The following PEX14 variants were observed in gnomAD, a reference collection of about 807,000 sequenced individuals.
The protein encoded by PEX14 is peroxisomal membrane protein PEX14.
A neutral mutation model predicts 49.5 loss-of-function variants in PEX14; 15 were observed. That is an observed-to-expected ratio of 0.30 (90% CI 0.20 to 0.47). The LOEUF (loss-of-function observed/expected upper bound fraction) is 0.47, where lower values mean the gene tolerates loss of function less well. Ranked by LOEUF, PEX14 falls within the 20% of genes least tolerant of loss-of-function variation. PEX14 has a pLI of 1.00. For missense variants in PEX14, 398 were observed against 494.8 expected (o/e 0.80, Z 1.86); for synonymous variants, 210 against 212.7 (o/e 0.99, Z 0.11).
intron 3 of PEX14, among the ~76,000 whole-genome samples, chr1:10,581,305 C>CT (rs71583884): frequency 0.052 from 6,646 of 126,840 alleles, 529 homozygotes; most frequent in African/African-American, 0.15. Context: ...CTTTGTTATC[C>CT]TTTTTTTTTT....
intron 3 of PEX14, among the ~76,000 whole-genome samples, chr1:10,590,930 C>T (rs921883704): frequency 6.6e-6 from 1 of 152,140 alleles, no homozygotes; most frequent in Non-Finnish European, 1.5e-5. Context: ...AAGAAAACCC[C>T]AAAGGAACAT....
At chr1:10,559,263 G>A (rs1437962391) in intron 3 of PEX14, among the ~76,000 whole-genome samples, 2 of 152,030 alleles carry the variant, frequency 1.3e-5, no homozygotes, top group Non-Finnish European at 2.9e-5. Flanking sequence ...AAGAGCATAG[G>A]AATATAAGAG....
rs183341852 is a variant in PEX14, at chr1:10,610,773, A to G, written c.299-7559A>G. 5.9e-5 allele frequency among the ~76,000 whole-genome samples: 9 copies of G among 152,214 alleles called. No homozygotes were observed. The East Asian group carries it at 1.6e-3, about 26-fold the overall frequency. On this transcript the variant is annotated intron_variant, in intron 4 of 8. Transcript: ENST00000356607. ...CTCCCAAAGTGCTGGGATTACAGGC[A>G]TGAGCCACTGCCTGGACTTTTTCTT...
At chr1:10,501,271 T>C (rs1641672321) in intron 2 of PEX14, among the ~76,000 whole-genome samples, 1 of 151,756 alleles carries the variant, frequency 6.6e-6, no homozygotes, top group Non-Finnish European at 1.5e-5. Context: ...ATAGGGATAA[T>C]TCAGAATCCG....
chr1:10,578,213 A>C (rs542001789), intron 3 of PEX14, among the ~76,000 whole-genome samples: 2 of 152,292 alleles, frequency 1.3e-5, no homozygotes, highest in African/African-American at 4.8e-5. Context: ...GGGAAGTGCC[A>C]CAGATTCCAG....
In PEX14 at chr1:10,610,370, T is replaced by TACAC. The variant is rs767834450; in HGVS notation, c.299-7961_299-7960insCACA. The stretch of plus-strand genomic sequence containing the variant: ...ATATAACTTTACATATATATATATA[T>TACAC]ATACACACACACACACACACACACA... On this transcript the variant is annotated intron_variant, in intron 4 of 8. Transcript: ENST00000356607. Among the ~76,000 whole-genome samples, 114 of 98,552 alleles carry TACAC rather than the reference T, an allele frequency of 1.2e-3. 1 individual carries two copies. Among genetic ancestry groups the TACAC allele is most frequent in the Non-Finnish European group, 1.9e-3 (79 of 42,058 alleles). 64.7% of individuals were successfully genotyped at this position (98,552 alleles called of 152,430 possible).
chr1:10,516,028 A>G (rs1038187355), intron 2 of PEX14, among the ~76,000 whole-genome samples: 21 of 152,228 alleles, frequency 1.4e-4, no homozygotes, highest in African/African-American at 4.8e-4. Context: ...GGGTTTAACC[A>G]TTGGGTAGAC....
In PEX14 at chr1:10,623,591, G is replaced by A. The variant is rs755976728; in HGVS notation, c.487+470G>A. Reference sequence around the variant, plus strand: ...TTCATTACCCAGTGCCCCAGCGATGGCCCAGATTAGCTGGGACCTGTCGCG... The same window carrying A: ...TTCATTACCCAGTGCCCCAGCGATGACCCAGATTAGCTGGGACCTGTCGCG... On this transcript the variant is annotated intron_variant, in intron 6 of 8. Coordinates refer to ENST00000356607, the MANE Select transcript of PEX14 (RefSeq NM_004565.3). This position sits in a 1 kb window ranked among gnomAD's most constrained non-coding sequence, Gnocchi z 4.4. Among the ~76,000 whole-genome samples the A allele has an allele frequency of 6.6e-6, 1 of 152,140 alleles. No homozygotes were observed. Among genetic ancestry groups the A allele is most frequent in the Non-Finnish European group, 1.5e-5 (1 of 68,014 alleles).
At chr1:10,603,090 C>T (rs1366217338) in intron 4 of PEX14, among the ~76,000 whole-genome samples, 1 of 152,184 alleles carries the variant, frequency 6.6e-6, no homozygotes, top group Non-Finnish European at 1.5e-5. Flanking sequence ...CACTGAGTGC[C>T]TCTTTTGGCA....
intron 2 of PEX14, among the ~76,000 whole-genome samples, chr1:10,518,791 A>G (rs1430647579): frequency 6.6e-6 from 1 of 152,192 alleles, no homozygotes; most frequent in Non-Finnish European, 1.5e-5. Flanking sequence ...ATTCCGAAGC[A>G]TCTTTGGGCT....
chr1:10,565,211 A>G (rs925869878), intron 3 of PEX14, among the ~76,000 whole-genome samples: 2 of 152,032 alleles, frequency 1.3e-5, no homozygotes, highest in African/African-American at 2.4e-5. Context: ...CTTTTTTTGT[A>G]TATCTTAAAA....
chr1:10,475,347 G>A (rs1301446748), intron 1 of PEX14, among the ~76,000 whole-genome samples: 1 of 152,200 alleles, frequency 6.6e-6, no homozygotes, highest in Non-Finnish European at 1.5e-5. Context: ...TTGAGAAGGA[G>A]AGGATAGATC....
intron 5 of PEX14, among the ~76,000 whole-genome samples, chr1:10,619,727 T>C (rs745760350): frequency 2.0e-5 from 3 of 152,222 alleles, no homozygotes; most frequent in Non-Finnish European, 2.9e-5. Flanking sequence ...TTTGATGTAA[T>C]ACAAAAGCTA....
chr1:10,488,669 T>C (rs1379871323), intron 1 of PEX14, among the ~76,000 whole-genome samples: 1 of 151,636 alleles, frequency 6.6e-6, no homozygotes, highest in Non-Finnish European at 1.5e-5. Flanking sequence ...CTGGCTAATT[T>C]TTTTTTTGTA....
At chr1:10,484,552 A>C (rs1570132465) in intron 1 of PEX14, among the ~76,000 whole-genome samples, 1 of 151,930 alleles carries the variant, frequency 6.6e-6, no homozygotes, top group South Asian at 2.1e-4. Flanking sequence ...TCACCAGTTG[A>C]TGGACATTTG....
intron 4 of PEX14, among the ~76,000 whole-genome samples, chr1:10,609,251 G>A (rs1641208992): frequency 6.6e-6 from 1 of 152,174 alleles, no homozygotes; most frequent in Admixed American, 6.5e-5. Context: ...GTGGACATAC[G>A]TTTTCATTCC....
intron 3 of PEX14, among the ~76,000 whole-genome samples, chr1:10,589,988 T>G (rs756718898): frequency 7.2e-5 from 11 of 152,186 alleles, no homozygotes; most frequent in Admixed American, 1.3e-4. Context: ...TCAGCTTGAA[T>G]GGGATTTGGA....
At chr1:10,536,016 C>A in intron 2 of PEX14, 197 bp from the exon 3 acceptor site, 1 of 585,932 alleles carries the variant, frequency 1.7e-6, no homozygotes, top group Non-Finnish European at 3.1e-6. Flanking sequence ...GACTCAGATA[C>A]AGGAAGCCAG....
intron 4 of PEX14, 51 bp downstream of exon 4, chr1:10,599,417 C>G (rs765433633): frequency 1.4e-5 from 23 of 1,604,084 alleles, no homozygotes; most frequent in Non-Finnish European, 4.3e-6. Flanking sequence ...ATTCAGGACT[C>G]TGGCCAAAGG....
Sources: allele counts gnomAD v4.1 joint callset (sites outside exome capture counted in the v4.1 genomes callset), GRCh38; gene constraint gnomAD v4.1.1; non-coding constraint Gnocchi (gnomAD v3.1); transcripts MANE v1.5; gene names NCBI Gene and HGNC (gene_info 2026-07-23, HGNC 2026-07-21).